Variants in WDR72 observed in about 807,000 individuals in gnomAD.
WDR72 encodes WD repeat-containing protein 72.
In WDR72, 120 loss-of-function variants were observed where a neutral mutation model predicts 124.2. That is an observed-to-expected ratio of 0.97 (90% CI 0.83 to 1.12). The LOEUF is 1.12. WDR72 is among the 50% of genes most tolerant of loss of function. The probability of loss-of-function intolerance (pLI) is 0.00; values close to 1 mark genes in which losing one functional copy is unlikely to be tolerated. For synonymous variants in WDR72, 452 were observed against 441.7 expected, an observed-to-expected ratio of 1.02 and a Z score of -0.29; for missense variants, 1,387 against 1,278.8, an observed-to-expected ratio of 1.08 and a Z score of -1.29.
At chr15:53,713,537 G>A (rs1057363157) in intron 6 of WDR72, among the ~76,000 whole-genome samples, 8 of 151,254 alleles carry the variant, frequency 5.3e-5, no homozygotes, top group South Asian at 2.1e-4. Flanking sequence ...TGCAACCCCC[G>A]CCTCCCGGGT....
At chr15:53,691,336 C>T (rs2016833253) in intron 13 of WDR72, among the ~76,000 whole-genome samples, 1 of 152,180 alleles carries the variant, frequency 6.6e-6, no homozygotes, top group African/African-American at 2.4e-5. Flanking sequence ...CAGGCATGAG[C>T]CACCTTGTCC....
At chr15:53,746,166 CT>C (rs2018639369) in intron 1 of WDR72, among the ~76,000 whole-genome samples, 1 of 152,182 alleles carries the variant, frequency 6.6e-6, no homozygotes, top group African/African-American at 2.4e-5. Context: ...GCCATTACAG[CT>C]CCCATCCTCC....
intron 13 of WDR72, among the ~76,000 whole-genome samples, chr15:53,669,791 C>T (rs191131308): frequency 1.3e-5 from 2 of 152,278 alleles, no homozygotes; most frequent in African/African-American, 2.4e-5. Context: ...AATATACTGC[C>T]TTGGGCAAGA....
At chr15:53,595,335 T>C (rs8025996) in intron 18 of WDR72, among the ~76,000 whole-genome samples, 73,240 of 151,918 alleles carry the variant, frequency 0.48, 18,824 homozygotes, top group African/African-American at 0.67. Context: ...CCAGGCTGGA[T>C]TCTAACTCCT....
chr15:53,612,271 T>G (rs1229961188), intron 16 of WDR72, among the ~76,000 whole-genome samples: 2 of 152,146 alleles, frequency 1.3e-5, no homozygotes, highest in Non-Finnish European at 2.9e-5. Flanking sequence ...TGAATAAAAC[T>G]GTCACAAAAA....
At chr15:53,702,046 A>G in intron 12 of WDR72, 88 bp downstream of exon 12, 1 of 969,792 alleles carries the variant, frequency 1.0e-6, no homozygotes, top group Non-Finnish European at 1.5e-6. Context: ...TTCTTTGGAA[A>G]TATGGGTCAT....
intron 14 of WDR72, among the ~76,000 whole-genome samples, chr15:53,655,133 A>C (rs937649502): frequency 1.4e-5 from 2 of 146,506 alleles, no homozygotes; most frequent in Non-Finnish European, 3.0e-5. Flanking sequence ...CAGGAGACTG[A>C]GGCAGGAGAA....
chr15:53,706,091 CTTT>C lies in WDR72; in HGVS notation c.955-20_955-18del. ...GCTCTGTTCCTAAACAAAAAGTGAG[CTTT>C]TATGTAGGAAATATTCTAACTAGAG... On this transcript the variant is annotated intron_variant, in intron 9 of 19. Coordinates refer to ENST00000360509, the MANE Select transcript of WDR72 (RefSeq NM_182758.4). 1.2e-6 allele frequency: 2 copies of C among 1,613,344 alleles called. No individual in the cohort carries two copies. Among genetic ancestry groups the C allele is most frequent in the Non-Finnish European group, 1.7e-6 (2 of 1,179,774 alleles).
At chr15:53,527,357 G>T (rs867193929) in intron 18 of WDR72, among the ~76,000 whole-genome samples, 3 of 151,886 alleles carry the variant, frequency 2.0e-5, no homozygotes, top group Non-Finnish European at 2.9e-5. Flanking sequence ...GTTAAAGGGG[G>T]CTAGGCCTAG....
chr15:53,762,462 C>A (rs2019077437), upstream of WDR72, among the ~76,000 whole-genome samples: 1 of 152,192 alleles, frequency 6.6e-6, no homozygotes, highest in Non-Finnish European at 1.5e-5. Context: ...GGCAGGGACA[C>A]CAAGCACGTA....
At chr15:53,737,910 A>C (rs1307294134) in intron 1 of WDR72, among the ~76,000 whole-genome samples, 1 of 152,188 alleles carries the variant, frequency 6.6e-6, no homozygotes, top group African/African-American at 2.4e-5. Context: ...TGGACCACAA[A>C]ACAGGTCCCA....
intron 2 of WDR72, among the ~76,000 whole-genome samples, chr15:53,730,529 T>C (rs2018169813): frequency 6.6e-6 from 1 of 152,198 alleles, no homozygotes; most frequent in Non-Finnish European, 1.5e-5. Flanking sequence ...CAGAACCTGA[T>C]GTATTCTCTT....
In WDR72 at chr15:53,615,879, T is replaced by C. The variant is rs569519028; in HGVS notation, c.2327A>G (p.Lys776Arg). The C allele has an allele frequency of 6.2e-7, 1 of 1,613,622 alleles. No individual in the cohort carries two copies. The highest frequency in any genetic ancestry group is 1.3e-5 in the African/African-American group (1 of 75,004). Residue 776 changes from lysine (K) to arginine (R), a missense_variant, in exon 15 of 20, where the codon AAA (lysine) becomes AGA (arginine). By Grantham distance (26) the Lys-to-Arg change is conservative. Coordinates refer to ENST00000360509, the MANE Select transcript of WDR72 (RefSeq NM_182758.4). ...TCTTGATGGCTTAGGCTGCATTTTT[T>C]TGGAGATCTTCATTTTCTTCTGCCT... Reference protein sequence around the residue: ...IKRQKKMKISKKMQPKPSRKV... With the variant: ...IKRQKKMKISRKMQPKPSRKV...
At chr15:53,620,443 A>G (rs1372136791) in intron 14 of WDR72, among the ~76,000 whole-genome samples, 2 of 152,010 alleles carry the variant, frequency 1.3e-5, no homozygotes, top group African/African-American at 2.4e-5. Context: ...TACCAAACAA[A>G]AAGCTCTTCT....
intron 18 of WDR72, among the ~76,000 whole-genome samples, chr15:53,575,140 G>A (rs993275539): frequency 1.3e-5 from 2 of 150,332 alleles, no homozygotes; most frequent in Non-Finnish European, 3.0e-5. Context: ...TAGTAAATTA[G>A]TAGCTTATTT....
intron 14 of WDR72, among the ~76,000 whole-genome samples, chr15:53,617,735 C>T (rs1462460296): frequency 1.3e-5 from 2 of 151,366 alleles, no homozygotes; most frequent in Admixed American, 1.3e-4. Flanking sequence ...AAAATAATAC[C>T]ATTCATTGGC....
intron 14 of WDR72, among the ~76,000 whole-genome samples, chr15:53,618,597 A>C (rs2013862457): frequency 6.6e-6 from 1 of 152,034 alleles, no homozygotes; most frequent in African/African-American, 2.4e-5. Flanking sequence ...TTCGTGAAGA[A>C]GGGATTATTC....
intron 1 of WDR72, among the ~76,000 whole-genome samples, chr15:53,758,770 G>C (rs796873562): frequency 0.013 from 212 of 16,684 alleles, no homozygotes; most frequent in Non-Finnish European, 0.026. Context: ...CAAAACTGCG[G>C]GGGGGGGGGG....
intron 18 of WDR72, among the ~76,000 whole-genome samples, chr15:53,540,214 T>C (rs972943457): frequency 6.6e-6 from 1 of 152,170 alleles, no homozygotes; most frequent in Non-Finnish European, 1.5e-5. Flanking sequence ...GGGGACGAAA[T>C]ATTGACAAGA....
Sources: allele counts gnomAD v4.1 joint callset (sites outside exome capture counted in the v4.1 genomes callset), GRCh38; gene constraint gnomAD v4.1.1; transcripts MANE v1.5; gene names NCBI Gene and HGNC (gene_info 2026-07-23, HGNC 2026-07-21).